The following STIP1 variants were observed in gnomAD, a reference collection of about 807,000 sequenced individuals.
STIP1 encodes the protein stress induced phosphoprotein 1, also known as stress-induced-phosphoprotein 1.
STIP1 carries 16 observed loss-of-function variants against 77.4 expected under a neutral mutation model. That is an observed-to-expected ratio of 0.21 (90% CI 0.14 to 0.31). The LOEUF (loss-of-function observed/expected upper bound fraction) is 0.31. Ranked by LOEUF, STIP1 falls within the 10% of genes least tolerant of loss-of-function variation. The pLI, the probability that STIP1 is intolerant of heterozygous loss-of-function variation, is 1.00. For synonymous variants in STIP1, 258 were observed against 246.6 expected (o/e 1.05, Z -0.44); for missense variants, 524 against 684.8 (o/e 0.77, Z 2.62).
chr11:64,193,499 C>T, intron 2 of STIP1: 1 of 569,956 alleles, frequency 1.8e-6, no homozygotes, highest in Non-Finnish European at 3.1e-6. Flanking sequence ...AGGAAGAGGC[C>T]AGGGCTGGGC....
At chr11:64,198,752 G>GTTTTTTTTTTTTTTTTTTTTTTT (rs1565281949) in intron 8 of STIP1, among the ~76,000 whole-genome samples, 1 of 91,864 alleles carries the variant, frequency 1.1e-5, no homozygotes. Context: ...TTTTTTTTGT[G>GTTTTTTTTTTTTTTTTTTTTTTT]GTTTTTTTTT....
At chr11:64,195,244 G>A (rs973803545) in intron 4 of STIP1, among the ~76,000 whole-genome samples, 9 of 152,126 alleles carry the variant, frequency 5.9e-5, no homozygotes, top group Non-Finnish European at 1.0e-4. Context: ...CTCCTGAGTA[G>A]CTGGGATTAC....
chr11:64,196,655 A>G (rs1250009829), intron 5 of STIP1, among the ~76,000 whole-genome samples: 1 of 152,030 alleles, frequency 6.6e-6, no homozygotes, highest in Non-Finnish European at 1.5e-5. Context: ...GCTAAGCAGC[A>G]CTCTTTTAGA....
At position 64,203,106 on chromosome 11, in the gene STIP1, C is replaced by T. The variant is rs776388332; in HGVS notation, c.1283-19C>T. On this transcript the variant is annotated intron_variant, in intron 11 of 13. Transcript: ENST00000305218. ...TTGGGCGCTGCGGTTGGATAACGCG[C>T]CACCTTTCCTGTTTGTAGTCAAGGG... 1.2e-6 allele frequency: 2 copies of T among 1,614,006 alleles called. No homozygotes were observed. Among genetic ancestry groups the T allele is most frequent in the African/African-American group, 1.3e-5 (1 of 75,050 alleles).
chr11:64,194,040 C>G (rs533202039), intron 2 of STIP1, 149 bp from the exon 3 acceptor site: 11 of 1,118,446 alleles, frequency 9.8e-6, no homozygotes, highest in East Asian at 2.4e-5. Flanking sequence ...GCCTTGGCCT[C>G]GTAGCCTACT....
intron 11 of STIP1, 85 bp downstream of exon 11, chr11:64,202,997 C>T (rs538839742): frequency 5.6e-6 from 9 of 1,603,914 alleles, no homozygotes; most frequent in South Asian, 2.2e-5. Context: ...ACCTGTGTGT[C>T]CTTGGGACCT....
At chr11:64,191,044 G>A (rs574632521) in intron 1 of STIP1, among the ~76,000 whole-genome samples, 33 of 152,066 alleles carry the variant, frequency 2.2e-4, no homozygotes, top group African/African-American at 7.7e-4. Flanking sequence ...AAAATTAGAC[G>A]GATGTGGTAG....
At chr11:64,187,430 T>A (rs1946036259) in intron 1 of STIP1, among the ~76,000 whole-genome samples, 1 of 151,986 alleles carries the variant, frequency 6.6e-6, no homozygotes, top group Non-Finnish European at 1.5e-5. Flanking sequence ...GCCATAAAAC[T>A]AAGATCGCCC....
chr11:64,197,575 A>G lies in STIP1; in HGVS notation c.882A>G (p.Glu294=). Residue 294 remains glutamate (E), a synonymous_variant, in exon 7 of 14, where the codon GAA becomes GAG. Transcript: ENST00000305218. ...KAIEVGRENR[E]DYRQIAKAYA... Reference sequence around the variant, plus strand: ...TTGAAGTGGGGAGAGAAAACCGAGAAGACTATCGACAGATTGCCAAGTAGG... The same window carrying G: ...TTGAAGTGGGGAGAGAAAACCGAGAGGACTATCGACAGATTGCCAAGTAGG... 1 of 1,614,162 alleles carries G rather than the reference A, an allele frequency of 6.2e-7. No homozygotes were observed. Among genetic ancestry groups the G allele is most frequent in the Non-Finnish European group, 8.5e-7 (1 of 1,180,014 alleles).
chr11:64,187,465 C>G (rs1485043641), intron 1 of STIP1, among the ~76,000 whole-genome samples: 2 of 152,194 alleles, frequency 1.3e-5, no homozygotes, highest in African/African-American at 4.8e-5. Context: ...AATAAGACAT[C>G]TCGATGGACT....
chr11:64,188,145 T>C (rs926454346), intron 1 of STIP1, among the ~76,000 whole-genome samples: 1 of 151,702 alleles, frequency 6.6e-6, no homozygotes, highest in Admixed American at 6.6e-5. Context: ...TCAGGAGTTC[T>C]ACACCAGCCT....
chr11:64,194,638 A>C lies in STIP1; in HGVS notation c.503+18A>C, dbSNP rs763763893. ...CTGGGCACGTAAGTGGACGCCGCTC[A>C]CTGAGGTTCTGGAAATCGGGGAATG... On this transcript the variant is annotated intron_variant, in intron 4 of 13. Coordinates refer to ENST00000305218, the MANE Select transcript of STIP1 (RefSeq NM_006819.3). The C allele has an allele frequency of 3.7e-6, 6 of 1,609,156 alleles. No individual in the cohort carries two copies. In the Admixed American group the frequency reaches 8.4e-5, roughly 23 times the overall value.
chr11:64,199,566 ATT>A (rs202101452), intron 8 of STIP1, among the ~76,000 whole-genome samples: 2 of 123,532 alleles, frequency 1.6e-5, no homozygotes, highest in Admixed American at 9.8e-5. Flanking sequence ...TCCTAATCTG[ATT>A]TTTTTTTTTT....
Position 64,186,232 on chromosome 11 carries a change from A to T in STIP1, c.-30A>T. ...TGGGAACGCGGAGCGGACGGATTCG[A>T]TTCAACGGGGTTCCGGACCGCGCTG... On this transcript the variant is annotated 5_prime_UTR_variant, in exon 1 of 14. Transcript: ENST00000305218. The T allele has an allele frequency of 6.5e-7, 1 of 1,537,772 alleles. No homozygotes were observed. The highest frequency in any genetic ancestry group is 1.2e-5 in the South Asian group (1 of 83,936).
intron 8 of STIP1, among the ~76,000 whole-genome samples, 196 bp from the exon 9 acceptor site, chr11:64,199,744 T>C (rs1485118958): frequency 1.3e-5 from 2 of 151,608 alleles, no homozygotes; most frequent in East Asian, 4.0e-4. Flanking sequence ...TTTATATTTT[T>C]AGTAGAGACA....
rs188492584 is a variant in STIP1, at chr11:64,196,686, C to T, written c.673-585C>T. 183 of 156,458 alleles carry T rather than the reference C, an allele frequency of 1.2e-3. 1 individual carries two copies. Among genetic ancestry groups the T allele is most frequent in the South Asian group, 4.7e-3 (25 of 5,284 alleles). The allele number at this position is 156,458 out of a possible 1,614,324, so 9.7% of individuals were successfully genotyped here. A position where few individuals can be genotyped will look rare whatever the true frequency, so the allele number is the denominator to read the frequency against. On this transcript the variant is annotated intron_variant, in intron 5 of 13. Coordinates refer to ENST00000305218, the MANE Select transcript of STIP1 (RefSeq NM_006819.3). ...TTAGAGCAGAAGGCATGTGCCTCAA[C>T]GATTTCATTTCCCTCCTTGTAAACT...
chr11:64,194,431 T>G, intron 3 of STIP1, 48 bp from the exon 4 acceptor site: 1 of 1,612,626 alleles, frequency 6.2e-7, no homozygotes, highest in South Asian at 1.1e-5. Context: ...GACACAGTAA[T>G]TCTAGTGAAC....
At chr11:64,185,753 A>C (rs974093940), upstream of STIP1, 4 of 1,518,248 alleles carry the variant, frequency 2.6e-6, no homozygotes, top group Non-Finnish European at 3.5e-6. Flanking sequence ...CAGCGATTTA[A>C]ACCAATCAGC....
At position 64,186,269 on chromosome 11, in the gene STIP1, A is replaced by C. The variant is rs1459873797; in HGVS notation, c.8A>C (p.Gln3Pro). The C allele has an allele frequency of 7.7e-6, 10 of 1,299,098 alleles. No individual in the cohort carries two copies. The highest frequency in any genetic ancestry group is 1.0e-5 in the Non-Finnish European group (10 of 998,820). The allele number at this position is 1,299,098 out of a possible 1,614,324, so 80.5% of individuals were successfully genotyped here. A position where few individuals can be genotyped will look rare whatever the true frequency, so the allele number is the denominator to read the frequency against. Reference sequence around the variant, plus strand: ...TCCGGACCGCGCTGCGCTATGGAGCAGGTGAAGGGGGAGGGGCGGGCTGAG... The same window carrying C: ...TCCGGACCGCGCTGCGCTATGGAGCCGGTGAAGGGGGAGGGGCGGGCTGAG... ME[Q>P]VNELKEKGNK... Residue 3 changes from glutamine (Q) to proline (P), a missense_variant and splice_region_variant, in exon 1 of 14, where the codon CAG becomes CCG. Coordinates refer to ENST00000305218, the MANE Select transcript of STIP1 (RefSeq NM_006819.3).
Sources: allele counts gnomAD v4.1 joint callset (sites outside exome capture counted in the v4.1 genomes callset), GRCh38; gene constraint gnomAD v4.1.1; transcripts MANE v1.5; gene names NCBI Gene and HGNC (gene_info 2026-07-23, HGNC 2026-07-21).